SFSWAP: variants seen among roughly 807,000 people sequenced by gnomAD.
SFSWAP encodes the protein splicing factor SWAP.
SFSWAP carries 17 observed loss-of-function variants against 100.7 expected under a neutral mutation model. That is an observed-to-expected ratio of 0.17 (90% CI 0.12 to 0.25). The LOEUF (loss-of-function observed/expected upper bound fraction) is 0.25. Among genes scored for constraint, SFSWAP ranks in the 10% least tolerant of loss-of-function variants. SFSWAP has a pLI of 1.00. For synonymous variants in SFSWAP, 504 were observed against 510.1 expected, an observed-to-expected ratio of 0.99 and a Z score of 0.16; for missense variants, 1,005 against 1,262.6, an observed-to-expected ratio of 0.80 and a Z score of 3.09.
intron 4 of SFSWAP, among the ~76,000 whole-genome samples, chr12:131,721,022 A>G (rs1878426534): frequency 6.6e-6 from 1 of 152,202 alleles, no homozygotes; most frequent in African/African-American, 2.4e-5. Context: ...ACTTATAGTC[A>G]TGGCGGAAGG....
intron 9 of SFSWAP, 56 bp downstream of exon 9, chr12:131,754,555 C>T: frequency 7.9e-7 from 1 of 1,270,364 alleles, no homozygotes; most frequent in Non-Finnish European, 1.0e-6. Context: ...TTCGTTTAGC[C>T]TTTTTTTAAA....
chr12:131,779,587 T>G (rs1884332570), intron 14 of SFSWAP, among the ~76,000 whole-genome samples: 2 of 151,740 alleles, frequency 1.3e-5, no homozygotes, highest in South Asian at 4.2e-4. Flanking sequence ...TGGCTGACTC[T>G]CCTCGGTTTC....
chr12:131,741,326 T>C (rs1368504518), intron 7 of SFSWAP, among the ~76,000 whole-genome samples: 3 of 152,174 alleles, frequency 2.0e-5, no homozygotes. Context: ...GTTTGTATTT[T>C]TTCAACCATT....
intron 7 of SFSWAP, among the ~76,000 whole-genome samples, chr12:131,739,675 A>T (rs1421541383): frequency 1.3e-5 from 2 of 150,646 alleles, no homozygotes; most frequent in Non-Finnish European, 2.9e-5. Flanking sequence ...CCTCCCGAGC[A>T]GCTGGGAGTA....
intron 7 of SFSWAP, among the ~76,000 whole-genome samples, chr12:131,740,458 C>T (rs556477010): frequency 6.6e-6 from 1 of 152,306 alleles, no homozygotes; most frequent in East Asian, 1.9e-4. Context: ...GCCCATTTTT[C>T]ATGGACTATA....
At chr12:131,772,240 G>A (rs558632571) in intron 13 of SFSWAP, among the ~76,000 whole-genome samples, 3 of 152,194 alleles carry the variant, frequency 2.0e-5, no homozygotes, top group East Asian at 1.9e-4. Context: ...TCTTTACAAC[G>A]TGCTGAATTC....
Position 131,797,163 on chromosome 12 carries a change from A to C in SFSWAP, c.2535-15A>C, listed in dbSNP as rs756089153. ...AACCAAAGCTGCATCTCTCACAGAA[A>C]CTCTTGCCTTTCAGAAGTCCCCACG... On this transcript the variant is annotated splice_polypyrimidine_tract_variant and intron_variant, in intron 15 of 17. Transcript: ENST00000261674. 4 of 1,601,224 alleles carry C rather than the reference A, an allele frequency of 2.5e-6. No individual in the cohort carries two copies. In the South Asian group the frequency reaches 4.4e-5, roughly 18 times the overall value.
intron 7 of SFSWAP, among the ~76,000 whole-genome samples, chr12:131,746,899 T>C (rs1395890906): frequency 1.3e-5 from 2 of 152,040 alleles, no homozygotes; most frequent in African/African-American, 4.8e-5. Flanking sequence ...GGTCAGGAGA[T>C]CGAGACCATC....
At chr12:131,787,084 G>A (rs916759970) in intron 15 of SFSWAP, among the ~76,000 whole-genome samples, 11 of 152,154 alleles carry the variant, frequency 7.2e-5, no homozygotes, top group Non-Finnish European at 1.3e-4. Context: ...AGCATCCATC[G>A]CTTACCTCTT....
chr12:131,785,459 C>G (rs1450586480), intron 14 of SFSWAP: 1 of 445,810 alleles, frequency 2.2e-6, no homozygotes, highest in Non-Finnish European at 4.0e-6. Context: ...TCAAACCGCT[C>G]TTCTTTATAT....
In SFSWAP at chr12:131,725,599, C is replaced by A. The variant is rs769721459; in HGVS notation, c.801C>A (p.Val267=). The A allele has an allele frequency of 1.6e-5, 26 of 1,613,930 alleles. No homozygotes were observed. The South Asian group carries it at 2.9e-4, about 18-fold the overall frequency. Residue 267 remains valine (V), a synonymous_variant, in exon 5 of 18, where the codon GTC becomes GTA. Coordinates refer to ENST00000261674, the MANE Select transcript of SFSWAP (RefSeq NM_004592.4). The surrounding 1 kb of genome is among the most constrained non-coding windows in gnomAD (Gnocchi z 4.3). ...CCATGAAAGAGGGACGCTACACTGT[C>A]CTGGCAGAAAACAAAAGTGACGAGA... ...QKAMKEGRYT[V]LAENKSDEKK... is the part of the protein sequence containing the mutation.
rs920972509 is a variant in SFSWAP, at chr12:131,733,973, G to A, written c.1081+5545G>A. Among the ~76,000 whole-genome samples, 5 of 152,222 alleles carry A rather than the reference G, an allele frequency of 3.3e-5. 1 individual carries two copies. The South Asian group carries it at 1.0e-3, about 32-fold the overall frequency. On this transcript the variant is annotated intron_variant, in intron 7 of 17. Transcript: ENST00000261674. This position sits in a 1 kb window ranked among gnomAD's most constrained non-coding sequence, Gnocchi z 5.1. ...CCCTGAGCCCACCCTGGGGCAGGGTGACACATGGGAGCAGGTCAGTGCCCT... is the reference window on the plus strand; with the variant it reads ...CCCTGAGCCCACCCTGGGGCAGGGTAACACATGGGAGCAGGTCAGTGCCCT...
At chr12:131,738,882 A>ATTTTTTTTTTTTTTTTTTTTTTTTTT (rs1555243205) in intron 7 of SFSWAP, among the ~76,000 whole-genome samples, 3 of 40,180 alleles carry the variant, frequency 7.5e-5, no homozygotes, top group Admixed American at 3.6e-4. Context: ...AATGAACATT[A>ATTTTTTTTTTTTTTTTTTTTTTTTTT]TTCTTTTTTT....
At chr12:131,731,270 G>A (rs1195850106) in intron 7 of SFSWAP, among the ~76,000 whole-genome samples, 1 of 152,234 alleles carries the variant, frequency 6.6e-6, no homozygotes, top group Non-Finnish European at 1.5e-5. Flanking sequence ...GGGCAGTGCG[G>A]CCATTCCAGA....
rs1297937020 is a variant in SFSWAP, at chr12:131,730,225, G to A, written c.1081+1797G>A. ...CCACTCGGCAGCCTGTGAAGCTCCC[G>A]CCCTGGAGTCATGGGGCGCTGTGCT... On this transcript the variant is annotated intron_variant, in intron 7 of 17. Coordinates refer to ENST00000261674, the MANE Select transcript of SFSWAP (RefSeq NM_004592.4). The surrounding 1 kb of genome is among the most constrained non-coding windows in gnomAD (Gnocchi z 4.0). Among the ~76,000 whole-genome samples, 1 of 152,152 alleles carries A rather than the reference G, an allele frequency of 6.6e-6. No homozygotes were observed.
intron 7 of SFSWAP, among the ~76,000 whole-genome samples, chr12:131,747,103 C>CAAAAAAAGA (rs1881204217): frequency 1.0e-5 from 1 of 96,914 alleles, no homozygotes; most frequent in Non-Finnish European, 2.0e-5. Flanking sequence ...GACTCTGTCT[C>CAAAAAAAGA]AAAAAAAAAA....
rs776471368 is a variant in SFSWAP at position 131,753,109 on chromosome 12, A to C, written c.1082-14A>C. The C allele has an allele frequency of 6.2e-7, 1 of 1,613,900 alleles. No individual in the cohort carries two copies. Among genetic ancestry groups the C allele is most frequent in the South Asian group, 1.1e-5 (1 of 91,068 alleles). On this transcript the variant is annotated splice_polypyrimidine_tract_variant and intron_variant, in intron 7 of 17. Transcript: ENST00000261674. ...GGCCGGCCATGCTCACTCCGGGGCA[A>C]TGTGTCTCCACAGCGACCGTGGCAG...
At chr12:131,762,559 T>C (rs1190148860) in intron 11 of SFSWAP, among the ~76,000 whole-genome samples, 1 of 152,200 alleles carries the variant, frequency 6.6e-6, no homozygotes. Flanking sequence ...CATTTTGTGA[T>C]ATATTTTAGT....
chr12:131,774,444 A>C (rs1017237663), intron 13 of SFSWAP, among the ~76,000 whole-genome samples: 2 of 152,164 alleles, frequency 1.3e-5, no homozygotes, highest in African/African-American at 2.4e-5. Context: ...AGTGTTACAG[A>C]AGTGGCCGGC....
Sources: gnomAD v4.1 joint callset for allele counts (sites outside exome capture counted in the v4.1 genomes callset) on GRCh38, gnomAD v4.1.1 for gene constraint, Gnocchi (gnomAD v3.1) non-coding constraint, MANE v1.5 for transcripts, NCBI Gene and HGNC (gene_info 2026-07-23, HGNC 2026-07-21) for gene names.